RCL1: variants seen among roughly 807,000 people sequenced by gnomAD.
RCL1 encodes RNA 3'-terminal phosphate cyclase-like protein.
RCL1 carries 24 observed loss-of-function variants against 42.4 expected under a neutral mutation model. The observed-to-expected ratio is 0.57, with a 90% CI of 0.41 to 0.80. The LOEUF (loss-of-function observed/expected upper bound fraction) is 0.80, where lower values mean the gene tolerates loss of function less well. Ranked by LOEUF, RCL1 falls within the 30% of genes least tolerant of loss-of-function variation. The pLI is 0.00. For missense variants in RCL1, 578 were observed against 467.9 expected, an observed-to-expected ratio of 1.24 and a Z score of -2.17; for synonymous variants, 228 against 177.3, an observed-to-expected ratio of 1.29 and a Z score of -2.27.
At position 4,793,173 on chromosome 9, in the gene RCL1, C is replaced by A. The variant is rs1325145516; in HGVS notation, c.82C>A (p.Arg28Ser). The A allele has an allele frequency of 6.2e-7, 1 of 1,611,212 alleles. No homozygotes were observed. The highest frequency in any genetic ancestry group is 1.1e-5 in the South Asian group (1 of 90,450). The change falls in exon 1 of 9, where the codon CGC (arginine) becomes AGC (serine). Residue 28 changes from arginine to serine, a missense_variant. Arg to Ser is a moderately radical substitution (Grantham distance 110). Transcript: ENST00000381750. ...TCTGGTCCTGTCTACCCTGAGCGGG[C>A]GCCCCGTCAAAATCCGAAAGATTCG... ...QRLVLSTLSGRPVKIRKIRAR... is the reference protein window; with the variant it reads ...QRLVLSTLSGSPVKIRKIRAR...
At chr9:4,847,435 C>G (rs1817559470) in intron 7 of RCL1, among the ~76,000 whole-genome samples, 1 of 152,128 alleles carries the variant, frequency 6.6e-6, no homozygotes, top group South Asian at 2.1e-4. Context: ...ATCTAATCCC[C>G]CCTGTTCCAT....
chr9:4,856,212 G>T (rs1817953666), intron 8 of RCL1, among the ~76,000 whole-genome samples: 1 of 152,196 alleles, frequency 6.6e-6, no homozygotes, highest in South Asian at 2.1e-4. Context: ...TTTTCCCTAG[G>T]ACAGGATGGG....
Position 4,793,179 on chromosome 9 carries a change from G to C in RCL1, c.88G>C (p.Val30Leu), listed in dbSNP as rs369962099. The C allele has an allele frequency of 2.5e-5, 40 of 1,610,434 alleles. No homozygotes were observed. The highest frequency in any genetic ancestry group is 1.7e-4 in the Middle Eastern group (1 of 6,052). Reference sequence around the variant, plus strand: ...CCTGTCTACCCTGAGCGGGCGCCCCGTCAAAATCCGAAAGATTCGGGCCAG... The same window carrying C: ...CCTGTCTACCCTGAGCGGGCGCCCCCTCAAAATCCGAAAGATTCGGGCCAG... ...LVLSTLSGRP[V>L]KIRKIRARDD... The change falls in exon 1 of 9, where the codon GTC becomes CTC. Residue 30 changes from valine (V) to leucine (L), a missense_variant. By Grantham distance (32) the Val-to-Leu change is conservative. Transcript: ENST00000381750.
chr9:4,858,148 T>G (rs1402176474), intron 8 of RCL1, among the ~76,000 whole-genome samples: 1 of 152,150 alleles, frequency 6.6e-6, no homozygotes, highest in African/African-American at 2.4e-5. Flanking sequence ...ACTGTTGGGA[T>G]TACAGGTGTG....
intron 5 of RCL1, among the ~76,000 whole-genome samples, chr9:4,838,044 T>C (rs1238524197): frequency 6.6e-6 from 1 of 152,224 alleles, no homozygotes; most frequent in Non-Finnish European, 1.5e-5. Flanking sequence ...GATCGCCCTC[T>C]TCTCCAGTTT....
chr9:4,821,272 A>C (rs897656507), intron 1 of RCL1, among the ~76,000 whole-genome samples: 60 of 152,224 alleles, frequency 3.9e-4, no homozygotes, highest in Non-Finnish European at 5.9e-5. Flanking sequence ...AGAGAGAGAG[A>C]GAGCATGGAC....
intron 5 of RCL1, among the ~76,000 whole-genome samples, chr9:4,835,366 T>TAGC (rs1817087138): frequency 6.6e-6 from 1 of 151,964 alleles, no homozygotes; most frequent in Non-Finnish European, 1.5e-5. Flanking sequence ...CCTGAGGAGT[T>TAGC]AGCATTGGGG....
Position 4,798,882 on chromosome 9 carries a change from T to C in RCL1, c.136+5655T>C, listed in dbSNP as rs879272878. The stretch of plus-strand genomic sequence containing the variant: ...CTGCCCAAAATAAGACTTCTTCTTT[T>C]TTTTTTTTTTTTTTTAAAGGCAAAT... On this transcript the variant is annotated intron_variant, in intron 1 of 8. Transcript: ENST00000381750. Among the ~76,000 whole-genome samples the C allele has an allele frequency of 4.0e-3, 602 of 150,456 alleles. 3 individuals carry two copies. The highest frequency in any genetic ancestry group is 0.012 in the East Asian group (62 of 5,174).
At chr9:4,829,410 C>T (rs965426843) in intron 3 of RCL1, among the ~76,000 whole-genome samples, 4 of 152,110 alleles carry the variant, frequency 2.6e-5, no homozygotes, top group African/African-American at 7.2e-5. Flanking sequence ...GGATCATGAT[C>T]GTAAAGATCA....
intron 1 of RCL1, among the ~76,000 whole-genome samples, chr9:4,799,363 G>C (rs989505498): frequency 6.6e-6 from 1 of 152,080 alleles, no homozygotes; most frequent in Non-Finnish European, 1.5e-5. Flanking sequence ...ACATGCAGTT[G>C]TAATAAATAA....
At chr9:4,843,348 G>T (rs1280024050) in intron 6 of RCL1, among the ~76,000 whole-genome samples, 1 of 151,950 alleles carries the variant, frequency 6.6e-6, no homozygotes, top group Non-Finnish European at 1.5e-5. Context: ...CATCAGTCCA[G>T]TGTGGTCCCA....
At chr9:4,836,917 G>A (rs994773201) in intron 5 of RCL1, among the ~76,000 whole-genome samples, 2 of 152,098 alleles carry the variant, frequency 1.3e-5, no homozygotes, top group Admixed American at 6.5e-5. Context: ...AGCCTTCCTG[G>A]GTTATGGTCT....
At chr9:4,848,782 T>C (rs1445342377) in intron 7 of RCL1, among the ~76,000 whole-genome samples, 1 of 152,312 alleles carries the variant, frequency 6.6e-6, no homozygotes, top group Non-Finnish European at 1.5e-5. Context: ...AAGTCTGTTC[T>C]GCTTGTTAAT....
chr9:4,827,080 G>T (rs368274744), intron 3 of RCL1, 47 bp downstream of exon 3: 1 of 1,612,890 alleles, frequency 6.2e-7, no homozygotes, highest in South Asian at 1.1e-5. Context: ...TTTGTCTCTT[G>T]TCACAACCCA....
At chr9:4,833,474 C>G (rs1366168124) in intron 4 of RCL1, among the ~76,000 whole-genome samples, 1 of 152,204 alleles carries the variant, frequency 6.6e-6, no homozygotes, top group Non-Finnish European at 1.5e-5. Flanking sequence ...AAGCAGTTTA[C>G]AAATACTAAC....
chr9:4,860,371 G>A lies in RCL1; in HGVS notation c.*96G>A, dbSNP rs1587742190. ...AGTCCAAATGGATTAATCCAGGACAGAATAGCCACTTGCTTAATTTTCTGT... is the reference window on the plus strand; with the variant it reads ...AGTCCAAATGGATTAATCCAGGACAAAATAGCCACTTGCTTAATTTTCTGT... On this transcript the variant is annotated 3_prime_UTR_variant, in exon 9 of 9. Transcript: ENST00000381750. 1 of 1,263,776 alleles carries A rather than the reference G, an allele frequency of 7.9e-7. No individual in the cohort carries two copies. The highest frequency in any genetic ancestry group is 1.1e-6 in the Non-Finnish European group (1 of 923,322). The allele number at this position is 1,263,776 out of a possible 1,614,324, so 78.3% of individuals were successfully genotyped here. A position where few individuals can be genotyped will look rare whatever the true frequency, so the allele number is the denominator to read the frequency against.
At chr9:4,819,678 G>T (rs1173470641) in intron 1 of RCL1, among the ~76,000 whole-genome samples, 2 of 152,230 alleles carry the variant, frequency 1.3e-5, no homozygotes, top group East Asian at 3.9e-4. Context: ...GTGGTGGCAC[G>T]CGCCTGTAGT....
chr9:4,837,087 T>C (rs971815855), intron 5 of RCL1, among the ~76,000 whole-genome samples: 1 of 152,166 alleles, frequency 6.6e-6, no homozygotes, highest in African/African-American at 2.4e-5. Context: ...TCAACTCTAG[T>C]ATCCAAATCC....
chr9:4,809,255 C>G (rs1816084188), intron 1 of RCL1, among the ~76,000 whole-genome samples: 1 of 152,108 alleles, frequency 6.6e-6, no homozygotes. Context: ...TAACATTCTT[C>G]TGTTTCCATA....
Sources: allele counts gnomAD v4.1 joint callset (sites outside exome capture counted in the v4.1 genomes callset), GRCh38; gene constraint gnomAD v4.1.1; transcripts MANE v1.5; gene names NCBI Gene and HGNC (gene_info 2026-07-23, HGNC 2026-07-21).